The following PACSIN2 variants were observed in gnomAD, a reference collection of about 807,000 sequenced individuals.
PACSIN2 encodes protein kinase C and casein kinase substrate in neurons 2.
A neutral mutation model predicts 63.8 loss-of-function variants in PACSIN2; 25 were observed. The observed-to-expected ratio is 0.39, with a 90% confidence interval of 0.29 to 0.55. The LOEUF (loss-of-function observed/expected upper bound fraction) is 0.55. Among genes scored for constraint, PACSIN2 ranks in the 20% least tolerant of loss-of-function variants. PACSIN2 has a pLI of 0.62. For synonymous variants in PACSIN2, 255 were observed against 256.2 expected (o/e 1.00, Z 0.05); for missense variants, 518 against 646.9 (o/e 0.80, Z 2.16).
At chr22:42,985,282 T>G (rs2010366) in intron 1 of PACSIN2, among the ~76,000 whole-genome samples, 103,001 of 152,182 alleles carry the variant, frequency 0.68, 36,610 homozygotes, top group African/African-American at 0.89. Flanking sequence ...AGCCGAGATC[T>G]CATCACCGCA....
At chr22:42,876,855 C>A (rs377715805) in intron 9 of PACSIN2, 33 bp downstream of exon 9, 5 of 1,613,602 alleles carry the variant, frequency 3.1e-6, no homozygotes, top group Non-Finnish European at 4.2e-6. Context: ...AGAGTGAGCG[C>A]GGTGGGAGCA....
chr22:42,878,634 T>C (rs1453646272), intron 8 of PACSIN2, among the ~76,000 whole-genome samples: 2 of 152,144 alleles, frequency 1.3e-5, no homozygotes, highest in Non-Finnish European at 2.9e-5. Context: ...CTGCACACAA[T>C]ACAGAGTGAG....
intron 9 of PACSIN2, 22 bp downstream of exon 9, chr22:42,876,866 G>A (rs948472934): frequency 6.2e-7 from 1 of 1,614,018 alleles, no homozygotes; most frequent in Admixed American, 1.7e-5. Flanking sequence ...GGTGGGAGCA[G>A]AGGAAGCATT....
chr22:42,889,398 A>ACACACACACACACACACT (rs778420398), intron 4 of PACSIN2, among the ~76,000 whole-genome samples: 404 of 151,388 alleles, frequency 2.7e-3, no homozygotes, highest in African/African-American at 7.4e-3. Flanking sequence ...ACACACACAC[A>ACACACACACACACACACT]CTCTTAACAG....
At chr22:42,891,256 G>GTTTTTTTTTTT in intron 3 of PACSIN2, 74 bp from the exon 4 acceptor site, 1 of 916,224 alleles carries the variant, frequency 1.1e-6, no homozygotes, top group Admixed American at 2.1e-5. Context: ...CACCTCGGCT[G>GTTTTTTTTTTT]TTCAATGTGG....
At chr22:43,010,228 C>T (rs1262461190) in intron 1 of PACSIN2, among the ~76,000 whole-genome samples, 2 of 151,370 alleles carry the variant, frequency 1.3e-5, no homozygotes, top group South Asian at 2.1e-4. Context: ...TCAAGAAACA[C>T]GCAAATGATT....
In PACSIN2 at chr22:42,914,084, C is replaced by T. The variant is rs1450327377; in HGVS notation, c.-77-1927G>A. 3.9e-5 allele frequency among the ~76,000 whole-genome samples: 6 copies of T among 152,196 alleles called. No individual in the cohort carries two copies. The East Asian group carries it at 1.2e-3, about 29-fold the overall frequency. On this transcript the variant is annotated intron_variant, in intron 1 of 10. Transcript: ENST00000263246. Reference sequence around the variant, plus strand: ...GACTAAGATGCATGCACGCTCCTAACCAGGCTCTCATGGAGAGAACTCCAG... The same window carrying T: ...GACTAAGATGCATGCACGCTCCTAATCAGGCTCTCATGGAGAGAACTCCAG...
At chr22:42,953,860 C>T (rs887910436) in intron 1 of PACSIN2, among the ~76,000 whole-genome samples, 1 of 152,080 alleles carries the variant, frequency 6.6e-6, no homozygotes, top group Admixed American at 6.5e-5. Flanking sequence ...TACAAGGACA[C>T]TGGAGGAAAA....
At chr22:42,995,451 G>A (rs144633031) in intron 1 of PACSIN2, among the ~76,000 whole-genome samples, 7 of 152,258 alleles carry the variant, frequency 4.6e-5, no homozygotes, top group Middle Eastern at 6.8e-3. Context: ...TCCGTCCACT[G>A]AGGAGACAAG....
At chr22:42,987,177 C>A (rs1314511412) in intron 1 of PACSIN2, among the ~76,000 whole-genome samples, 1 of 152,154 alleles carries the variant, frequency 6.6e-6, no homozygotes, top group Non-Finnish European at 1.5e-5. Flanking sequence ...GACTCTGTCA[C>A]TTACCACCCA....
chr22:42,920,516 C>T (rs563833224), intron 1 of PACSIN2, among the ~76,000 whole-genome samples: 8 of 152,168 alleles, frequency 5.3e-5, no homozygotes, highest in African/African-American at 1.7e-4. Context: ...TGGAAAGAAA[C>T]AAATTCAAGG....
intron 1 of PACSIN2, among the ~76,000 whole-genome samples, chr22:42,918,069 G>T (rs1007326859): frequency 6.6e-6 from 1 of 152,188 alleles, no homozygotes; most frequent in Non-Finnish European, 1.5e-5. Flanking sequence ...AACTGAGAAG[G>T]ATGTGAAAAT....
At chr22:43,001,875 C>T (rs1281490644) in intron 1 of PACSIN2, among the ~76,000 whole-genome samples, 2 of 152,110 alleles carry the variant, frequency 1.3e-5, no homozygotes, top group Admixed American at 1.3e-4. Context: ...ACCACTGCTC[C>T]CCACCTGGAG....
At chr22:42,882,056 TA>T in intron 7 of PACSIN2, 127 bp downstream of exon 7, 1 of 1,152,196 alleles carries the variant, frequency 8.7e-7, no homozygotes, top group Non-Finnish European at 1.3e-6. Flanking sequence ...TAGCTATGCC[TA>T]AAGGCTGCCT....
chr22:42,870,944 C>T lies in PACSIN2; in HGVS notation c.*413G>A, dbSNP rs1928060978. ...TGTACACAGCCTTTAAATTAAAAACCTCAAAATCTTCACTCAAAATGGGAT... is the reference window on the plus strand; with the variant it reads ...TGTACACAGCCTTTAAATTAAAAACTTCAAAATCTTCACTCAAAATGGGAT... On this transcript the variant is annotated 3_prime_UTR_variant, in exon 11 of 11. Coordinates refer to ENST00000263246, the MANE Select transcript of PACSIN2 (RefSeq NM_001184970.3). The T allele has an allele frequency of 5.0e-6, 1 of 200,022 alleles. No individual in the cohort carries two copies. The highest frequency in any genetic ancestry group is 1.0e-5 in the Non-Finnish European group (1 of 95,920). 12.4% of individuals were successfully genotyped at this position (200,022 alleles called of 1,614,324 possible). A position where few individuals can be genotyped will look rare whatever the true frequency, so the allele number is the denominator to read the frequency against.
chr22:42,888,632 G>A lies in PACSIN2; in HGVS notation c.609+11C>T. The stretch of plus-strand genomic sequence containing the variant: ...TGACACTCGACGTGTAAAAACAAGT[G>A]TACAGTTTACCTTAAGAACATCTTG... On this transcript the variant is annotated intron_variant, in intron 5 of 10. Transcript: ENST00000263246. 1 of 1,613,818 alleles carries A rather than the reference G, an allele frequency of 6.2e-7. No homozygotes were observed. Among genetic ancestry groups the A allele is most frequent in the Non-Finnish European group, 8.5e-7 (1 of 1,179,678 alleles).
chr22:42,894,770 T>G (rs894009966), intron 2 of PACSIN2, among the ~76,000 whole-genome samples: 3 of 152,192 alleles, frequency 2.0e-5, no homozygotes, highest in African/African-American at 7.2e-5. Context: ...AAGGCTACAG[T>G]CGCTGATAAC....
intron 1 of PACSIN2, among the ~76,000 whole-genome samples, chr22:43,009,084 C>CGAGTGACACAT (rs1924284613): frequency 6.6e-6 from 1 of 152,186 alleles, no homozygotes; most frequent in Non-Finnish European, 1.5e-5. Flanking sequence ...GTTTCCTCTA[C>CGAGTGACACAT]GAGTGACACA....
At chr22:42,922,412 G>A (rs1304479229) in intron 1 of PACSIN2, among the ~76,000 whole-genome samples, 5 of 152,098 alleles carry the variant, frequency 3.3e-5, no homozygotes, top group Non-Finnish European at 7.4e-5. Flanking sequence ...AACATTCTGA[G>A]TAAAAAGACC....
Sources: allele counts gnomAD v4.1 joint callset (sites outside exome capture counted in the v4.1 genomes callset), GRCh38; gene constraint gnomAD v4.1.1; transcripts MANE v1.5; gene names NCBI Gene and HGNC (gene_info 2026-07-23, HGNC 2026-07-21).